ROBO1: variants seen among roughly 807,000 people sequenced by gnomAD.
ROBO1 encodes roundabout homolog 1.
In ROBO1, 149 loss-of-function variants were observed where a neutral mutation model predicts 195.9. The ratio of observed to expected loss-of-function variants is 0.76; its 90% CI spans 0.67 to 0.87. The LOEUF (loss-of-function observed/expected upper bound fraction) is 0.87, where lower values mean the gene tolerates loss of function less well. ROBO1 is among the 40% of genes least tolerant of loss of function. ROBO1 has a pLI of 0.00. For missense variants in ROBO1, 1,933 were observed against 2,068.3 expected, an observed-to-expected ratio of 0.93 and a Z score of 1.27; for synonymous variants, 816 against 733.2, an observed-to-expected ratio of 1.11 and a Z score of -1.82.
At chr3:79,577,156 G>T (rs1943513359) in intron 2 of ROBO1, among the ~76,000 whole-genome samples, 1 of 139,544 alleles carries the variant, frequency 7.2e-6, no homozygotes, top group Non-Finnish European at 1.6e-5. Flanking sequence ...ATAAAAAAAT[G>T]TTATTTGTAA....
intron 2 of ROBO1, among the ~76,000 whole-genome samples, chr3:79,397,569 T>G (rs2037201106): frequency 6.6e-6 from 1 of 152,156 alleles, no homozygotes; most frequent in African/African-American, 2.4e-5. Context: ...TAATAAAAAT[T>G]AGTAATTTTG....
intron 3 of ROBO1, among the ~76,000 whole-genome samples, chr3:79,058,680 A>C (rs2078858684): frequency 7.3e-6 from 1 of 136,390 alleles, no homozygotes; most frequent in African/African-American, 2.7e-5. Context: ...CAATGCATTA[A>C]TTGTCATTTA....
intron 2 of ROBO1, among the ~76,000 whole-genome samples, chr3:79,146,073 G>A (rs1256212375): frequency 2.0e-5 from 3 of 149,438 alleles, no homozygotes; most frequent in East Asian, 2.0e-4. Flanking sequence ...TACTTAAATT[G>A]CCTGAGAAAT....
chr3:78,975,675 G>C (rs977418638), intron 3 of ROBO1, among the ~76,000 whole-genome samples: 4 of 152,110 alleles, frequency 2.6e-5, no homozygotes, highest in African/African-American at 9.7e-5. Context: ...AAAGTTTTTA[G>C]ATCACAAATT....
intron 17 of ROBO1, among the ~76,000 whole-genome samples, chr3:78,657,601 G>T (rs566829435): frequency 1.3e-5 from 2 of 152,272 alleles, no homozygotes; most frequent in South Asian, 4.1e-4. Flanking sequence ...CACATTATCT[G>T]CCAGCTAAAT....
At chr3:78,822,550 C>T (rs2031113083) in intron 4 of ROBO1, among the ~76,000 whole-genome samples, 1 of 152,192 alleles carries the variant, frequency 6.6e-6, no homozygotes, top group Admixed American at 6.5e-5. Context: ...TACACACACT[C>T]TCTAAACTGA....
intron 3 of ROBO1, among the ~76,000 whole-genome samples, chr3:79,003,332 G>T (rs12495750): frequency 0.96 from 146,441 of 152,230 alleles, 70,594 homozygotes; most frequent in East Asian, 1. Flanking sequence ...TTAAATTTGG[G>T]GTTTGGAAAT....
At position 79,008,071 on chromosome 3, in the gene ROBO1, C is replaced by T. The variant is rs868167454; in HGVS notation, c.173-69144G>A. Among the ~76,000 whole-genome samples the T allele has an allele frequency of 2.6e-5, 4 of 152,328 alleles. No individual in the cohort carries two copies. The South Asian group carries it at 8.3e-4, about 32-fold the overall frequency. On this transcript the variant is annotated intron_variant, in intron 3 of 30. Coordinates refer to ENST00000464233, the MANE Select transcript of ROBO1 (RefSeq NM_002941.4). ...GTCAAACAAGTTATCTCCATTATTT[C>T]TCTCAGCACTGTTTGGGAACCTACT...
At chr3:78,749,988 ACTAAGATTGT>A (rs1332225633) in intron 4 of ROBO1, among the ~76,000 whole-genome samples, 1 of 152,194 alleles carries the variant, frequency 6.6e-6, no homozygotes, top group Non-Finnish European at 1.5e-5. Flanking sequence ...CAGAGTTCCC[ACTAAGATTGT>A]AACAATATAA....
intron 4 of ROBO1, among the ~76,000 whole-genome samples, chr3:78,852,944 G>T (rs1010241454): frequency 1.1e-4 from 16 of 152,052 alleles, no homozygotes; most frequent in African/African-American, 3.9e-4. Context: ...TGGTTCATAG[G>T]TTTATGCATA....
At chr3:79,544,613 A>G (rs1942195347) in intron 2 of ROBO1, among the ~76,000 whole-genome samples, 1 of 151,990 alleles carries the variant, frequency 6.6e-6, no homozygotes, top group Non-Finnish European at 1.5e-5. Flanking sequence ...GATTGTTTAT[A>G]TTGGGTAGAA....
intron 2 of ROBO1, among the ~76,000 whole-genome samples, chr3:79,425,250 T>C (rs1180355706): frequency 6.6e-6 from 1 of 152,220 alleles, no homozygotes; most frequent in African/African-American, 2.4e-5. Context: ...AGAAACTTGT[T>C]AGAAACGGAC....
chr3:79,724,601 T>A (rs1702837948), intron 1 of ROBO1, among the ~76,000 whole-genome samples: 1 of 152,180 alleles, frequency 6.6e-6, no homozygotes, highest in Non-Finnish European at 1.5e-5. Context: ...TAGTGCCACC[T>A]CTGGCCAACA....
Position 79,129,493 on chromosome 3 carries a change from T to C in ROBO1, c.89-3954A>G, listed in dbSNP as rs1388817868. 2.6e-5 allele frequency among the ~76,000 whole-genome samples: 4 copies of C among 152,214 alleles called. No homozygotes were observed. The East Asian group carries it at 7.7e-4, about 29-fold the overall frequency. On this transcript the variant is annotated intron_variant, in intron 2 of 30. Transcript: ENST00000464233. ...CAATCTTAAAACAGTCTTTCACATA[T>C]ATAATAACAGCAACAACTATAAAAG...
intron 4 of ROBO1, among the ~76,000 whole-genome samples, chr3:78,875,920 AAATC>A (rs1559951534): frequency 6.6e-6 from 1 of 152,126 alleles, no homozygotes; most frequent in Non-Finnish European, 1.5e-5. Flanking sequence ...TTGTTACCTG[AAATC>A]AATCATCATT....
chr3:79,490,276 C>A (rs929476497), intron 2 of ROBO1, among the ~76,000 whole-genome samples: 1 of 152,290 alleles, frequency 6.6e-6, no homozygotes, highest in South Asian at 2.1e-4. Flanking sequence ...ATACTCTGGG[C>A]TTCAGTCAAA....
chr3:79,374,554 A>G (rs956928794), intron 2 of ROBO1, among the ~76,000 whole-genome samples: 1 of 152,106 alleles, frequency 6.6e-6, no homozygotes, highest in Admixed American at 6.6e-5. Flanking sequence ...AAATGCAAAA[A>G]ACTTTGGTTT....
chr3:79,508,227 C>T (rs191367173), intron 2 of ROBO1, among the ~76,000 whole-genome samples: 8 of 151,994 alleles, frequency 5.3e-5, no homozygotes, highest in Non-Finnish European at 1.0e-4. Context: ...ACGTTGTGCA[C>T]ATGTACCCTA....
intron 2 of ROBO1, among the ~76,000 whole-genome samples, chr3:79,251,973 A>G (rs903122498): frequency 1.3e-5 from 2 of 151,702 alleles, no homozygotes; most frequent in African/African-American, 4.8e-5. Context: ...AACTTAGGTG[A>G]CCCAAAATCA....
Sources: allele counts gnomAD v4.1 joint callset (sites outside exome capture counted in the v4.1 genomes callset), GRCh38; gene constraint gnomAD v4.1.1; transcripts MANE v1.5; gene names NCBI Gene and HGNC (gene_info 2026-07-23, HGNC 2026-07-21).